The following LINGO2 variants were observed in gnomAD, a reference collection of about 807,000 sequenced individuals.
The protein encoded by LINGO2 is leucine rich repeat and Ig domain containing 2, also known as leucine-rich repeat and immunoglobulin-like domain-containing nogo receptor-interacting protein 2.
A neutral mutation model predicts 30.6 loss-of-function variants in LINGO2; 14 were observed. The observed-to-expected ratio is 0.46, with a 90% CI of 0.30 to 0.72. The LOEUF is 0.72. Among genes scored for constraint, LINGO2 ranks in the 30% least tolerant of loss-of-function variants. The probability of loss-of-function intolerance (pLI) is 0.07; values close to 1 mark genes in which losing one functional copy is unlikely to be tolerated. For synonymous variants in LINGO2, 317 were observed against 288.5 expected (o/e 1.10, Z -1.00); for missense variants, 729 against 751.7 (o/e 0.97, Z 0.35).
At chr9:28,013,241 T>TA (rs1221338221) in intron 4 of LINGO2, among the ~76,000 whole-genome samples, 9 of 152,302 alleles carry the variant, frequency 5.9e-5, no homozygotes, top group African/African-American at 2.2e-4. Flanking sequence ...GTATTTCTTT[T>TA]TCTTCTCCTT....
chr9:29,092,600 G>A, the LINGO2 span, among the ~76,000 whole-genome samples: 1 of 88,852 alleles, frequency 1.1e-5, no homozygotes, highest in African/African-American at 4.3e-5. Context: ...CATGATTTAA[G>A]TACAGTCTTC....
chr9:28,675,938 C>T, the LINGO2 span, among the ~76,000 whole-genome samples: 2 of 140,822 alleles, frequency 1.4e-5, no homozygotes, highest in Admixed American at 7.2e-5. Context: ...TACACACACA[C>T]ACACACACAC....
chr9:28,193,334 A>G (rs909101121), intron 4 of LINGO2, among the ~76,000 whole-genome samples: 14 of 152,130 alleles, frequency 9.2e-5, no homozygotes, highest in Admixed American at 3.3e-4. Flanking sequence ...AAATTCACAT[A>G]TATCTTGCTG....
At chr9:28,118,080 G>C (rs954047815) in intron 4 of LINGO2, among the ~76,000 whole-genome samples, 2 of 152,050 alleles carry the variant, frequency 1.3e-5, no homozygotes, top group African/African-American at 4.8e-5. Context: ...GGGGCCTGTT[G>C]GGGGGTGGAG....
At chr9:28,688,187 C>T in the LINGO2 span, among the ~76,000 whole-genome samples, 1 of 152,124 alleles carries the variant, frequency 6.6e-6, no homozygotes, top group Admixed American at 6.5e-5. Flanking sequence ...TTACCTCTGG[C>T]AGGGTATATC....
chr9:28,701,502 C>G, the LINGO2 span, among the ~76,000 whole-genome samples: 7 of 151,996 alleles, frequency 4.6e-5, no homozygotes, highest in African/African-American at 1.4e-4. Flanking sequence ...CTATTCTGTT[C>G]GATCGATCTG....
the LINGO2 span, among the ~76,000 whole-genome samples, chr9:28,950,433 T>C: frequency 1.3e-5 from 2 of 152,074 alleles, no homozygotes; most frequent in African/African-American, 4.8e-5. Context: ...GGTATTCAAA[T>C]AGGAAGAGAG....
At chr9:29,068,329 C>T in the LINGO2 span, among the ~76,000 whole-genome samples, 1 of 151,404 alleles carries the variant, frequency 6.6e-6, no homozygotes, top group South Asian at 2.1e-4. Flanking sequence ...AGATAGATGT[C>T]CACCGCATAT....
At chr9:28,407,752 A>T (rs549167747) in intron 2 of LINGO2, among the ~76,000 whole-genome samples, 1 of 152,044 alleles carries the variant, frequency 6.6e-6, no homozygotes, top group Non-Finnish European at 1.5e-5. Flanking sequence ...TCAACTGTTA[A>T]CCTTTTCCTT....
rs147042046 is a variant in LINGO2 at position 28,252,363 on chromosome 9, C to T, written c.-87+42845G>A. Among the ~76,000 whole-genome samples the T allele has an allele frequency of 3.9e-3, 588 of 152,076 alleles. 4 individuals are homozygous for T. The highest frequency in any genetic ancestry group is 0.012 in the African/African-American group (489 of 41,482). On this transcript the variant is annotated intron_variant, in intron 4 of 5. Coordinates refer to ENST00000379992, the Ensembl canonical transcript of LINGO2. The stretch of plus-strand genomic sequence containing the variant: ...GCCTCAGTCTCCTGAGTAGCTGGGA[C>T]TACAGGCACGCATCACTATGCCTAG...
chr9:28,068,489 A>G (rs1048130672), intron 4 of LINGO2, among the ~76,000 whole-genome samples: 4 of 152,120 alleles, frequency 2.6e-5, no homozygotes, highest in African/African-American at 9.7e-5. Flanking sequence ...ATACCATTAC[A>G]TTGGGGGTAG....
intron 1 of LINGO2, among the ~76,000 whole-genome samples, chr9:28,556,097 G>A (rs1222603413): frequency 1.3e-5 from 2 of 152,062 alleles, no homozygotes; most frequent in Non-Finnish European, 2.9e-5. Context: ...AGACAGGGAT[G>A]CCCTCTCTCA....
the LINGO2 span, among the ~76,000 whole-genome samples, chr9:28,971,506 A>G: frequency 6.6e-6 from 1 of 151,876 alleles, no homozygotes; most frequent in African/African-American, 2.4e-5. Flanking sequence ...ATTTGGCATT[A>G]CTCTCTGTGG....
At chr9:28,382,589 C>T (rs1821398036) in intron 2 of LINGO2, among the ~76,000 whole-genome samples, 1 of 152,110 alleles carries the variant, frequency 6.6e-6, no homozygotes, top group African/African-American at 2.4e-5. Context: ...GGGCCATTCA[C>T]ATGCAGTCTG....
At chr9:28,010,278 A>G (rs1346725779) in intron 5 of LINGO2, among the ~76,000 whole-genome samples, 1 of 152,190 alleles carries the variant, frequency 6.6e-6, no homozygotes, top group Non-Finnish European at 1.5e-5. Context: ...TTTAATTACA[A>G]AATTTAAGTA....
At chr9:28,994,159 C>G in the LINGO2 span, among the ~76,000 whole-genome samples, 3 of 152,108 alleles carry the variant, frequency 2.0e-5, no homozygotes, top group Non-Finnish European at 2.9e-5. Flanking sequence ...TGATAAGCAA[C>G]TTCAGCAAAG....
chr9:28,687,187 C>T, the LINGO2 span, among the ~76,000 whole-genome samples: 1 of 152,068 alleles, frequency 6.6e-6, no homozygotes. Context: ...AACACGTCAT[C>T]TCCTATTTAT....
the LINGO2 span, among the ~76,000 whole-genome samples, chr9:28,916,658 C>T: frequency 1.3e-5 from 2 of 152,174 alleles, no homozygotes; most frequent in African/African-American, 4.8e-5. Flanking sequence ...TATTGATTGA[C>T]GTTTATGTCT....
intron 1 of LINGO2, among the ~76,000 whole-genome samples, chr9:28,486,293 C>T (rs1826161080): frequency 1.3e-5 from 2 of 152,044 alleles, no homozygotes; most frequent in Admixed American, 6.6e-5. Context: ...TTCCGTGTGG[C>T]AATTTCTTAC....
Sources: allele counts gnomAD v4.1 joint callset (sites outside exome capture counted in the v4.1 genomes callset), GRCh38; gene constraint gnomAD v4.1.1; transcripts MANE v1.5; gene names NCBI Gene and HGNC (gene_info 2026-07-23, HGNC 2026-07-21).